The following UNC13C variants were observed in gnomAD, a reference collection of about 807,000 sequenced individuals.
UNC13C encodes unc-13 homolog C.
In UNC13C, 174 loss-of-function variants were observed where a neutral mutation model predicts 245.4. The observed-to-expected ratio is 0.71, with a 90% CI of 0.63 to 0.80. UNC13C has a LOEUF of 0.80. Among genes scored for constraint, UNC13C ranks in the 30% least tolerant of loss-of-function variants. UNC13C has a pLI of 0.00. For synonymous variants in UNC13C, 992 were observed against 895.1 expected (o/e 1.11, Z -1.93); for missense variants, 2,829 against 2,602.9 (o/e 1.09, Z -1.89).
chr15:54,617,224 A>C (rs1900499252), intron 30 of UNC13C, among the ~76,000 whole-genome samples: 1 of 152,132 alleles, frequency 6.6e-6, no homozygotes, highest in African/African-American at 2.4e-5. Context: ...TAAGATAGCT[A>C]GGTCCTATAT....
At chr15:54,017,804 A>G (rs1337156159) in intron 2 of UNC13C, among the ~76,000 whole-genome samples, 1 of 152,122 alleles carries the variant, frequency 6.6e-6, no homozygotes, top group African/African-American at 2.4e-5. Context: ...TAAGAATAAA[A>G]CCACGGATAA....
chr15:54,270,106 C>G (rs1165032607), intron 10 of UNC13C, among the ~76,000 whole-genome samples: 2 of 152,172 alleles, frequency 1.3e-5, no homozygotes, highest in Admixed American at 6.5e-5. Context: ...TTCTATATCA[C>G]TGGCTCCAGA....
chr15:54,450,681 T>G (rs933255170), intron 19 of UNC13C, among the ~76,000 whole-genome samples: 1 of 152,208 alleles, frequency 6.6e-6, no homozygotes, highest in Non-Finnish European at 1.5e-5. Context: ...CAGCTTTGCT[T>G]GGCTAGTAAA....
chr15:54,074,282 C>A (rs1233988381), intron 2 of UNC13C, among the ~76,000 whole-genome samples: 1 of 152,096 alleles, frequency 6.6e-6, no homozygotes, highest in Non-Finnish European at 1.5e-5. Context: ...TTACTGTAGC[C>A]TTGTAGTATA....
rs374236768 is a variant in UNC13C at position 54,015,296 on chromosome 15, G to T, written c.2393G>T (p.Gly798Val). The change falls in exon 2 of 33, where the codon GGA becomes GTA. Residue 798 changes from glycine to valine, a missense_variant. Coordinates refer to ENST00000260323, the MANE Select transcript of UNC13C (RefSeq NM_001080534.3). ...AAGACTTTCAGCTTCCCAAAATTTG[G>T]ATCTACACTGCAGAGGGCTAAATCA... The part of the protein sequence containing the change: ...SDKTFSFPKF[G>V]STLQRAKSAL... The T allele has an allele frequency of 6.2e-7, 1 of 1,611,816 alleles. No individual in the cohort carries two copies. The highest frequency in any genetic ancestry group is 8.5e-7 in the Non-Finnish European group (1 of 1,179,226).
At chr15:54,542,028 C>G (rs924386121) in intron 26 of UNC13C, among the ~76,000 whole-genome samples, 2 of 151,940 alleles carry the variant, frequency 1.3e-5, no homozygotes, top group African/African-American at 2.4e-5. Flanking sequence ...AATGGTCTGC[C>G]TTCTGCTGCT....
At chr15:54,221,669 AT>A (rs138509303) in intron 4 of UNC13C, among the ~76,000 whole-genome samples, 6,995 of 152,014 alleles carry the variant, frequency 0.046, 304 homozygotes, top group East Asian at 0.23. Flanking sequence ...GCTAAAAAAA[AT>A]AAGATTAATC....
At chr15:54,137,769 A>G (rs902058266) in intron 2 of UNC13C, among the ~76,000 whole-genome samples, 1 of 150,580 alleles carries the variant, frequency 6.6e-6, no homozygotes, top group Non-Finnish European at 1.5e-5. Context: ...TTTCAAAAAA[A>G]CCCTCTTAGT....
chr15:53,938,339 T>C, the UNC13C span, among the ~76,000 whole-genome samples: 1 of 152,168 alleles, frequency 6.6e-6, no homozygotes, highest in East Asian at 1.9e-4. Flanking sequence ...CCTAAGTATA[T>C]ATGCACCCAA....
At chr15:54,236,473 G>A (rs1246399204) in intron 6 of UNC13C, 38 bp downstream of exon 6, 1 of 1,568,634 alleles carries the variant, frequency 6.4e-7, no homozygotes, top group South Asian at 1.1e-5. Flanking sequence ...ATATTTTGCA[G>A]TCTTCTCAAA....
At chr15:54,423,841 A>T (rs1005920850) in intron 19 of UNC13C, among the ~76,000 whole-genome samples, 1 of 151,952 alleles carries the variant, frequency 6.6e-6, no homozygotes, top group Admixed American at 6.6e-5. Context: ...TCAGCCATGT[A>T]CCATCTGGGA....
Position 54,527,112 on chromosome 15 carries a change from G to GC in UNC13C, c.5546+1475_5546+1476insC, listed in dbSNP as rs1566889140. Among the ~76,000 whole-genome samples, 1,127 of 152,148 alleles carry GC rather than the reference G, an allele frequency of 7.4e-3. 16 individuals are homozygous for GC. The highest frequency in any genetic ancestry group is 0.026 in the African/African-American group (1,075 of 41,480). On this transcript the variant is annotated intron_variant, in intron 25 of 32. Coordinates refer to ENST00000260323, the MANE Select transcript of UNC13C (RefSeq NM_001080534.3). ...GTAGTCATTCTGCCTCTGCAGTGTTGTTAGCTGATTGGATGATCCTGCCTA... is the reference window on the plus strand; with the variant it reads ...GTAGTCATTCTGCCTCTGCAGTGTTGCTTAGCTGATTGGATGATCCTGCCTA...
intron 4 of UNC13C, among the ~76,000 whole-genome samples, chr15:54,191,939 C>G (rs774947964): frequency 2.6e-5 from 4 of 151,944 alleles, no homozygotes; most frequent in Non-Finnish European, 5.9e-5. Context: ...CTTGTAGATT[C>G]TAGATATTAG....
At chr15:54,263,766 C>T (rs1311695225) in intron 8 of UNC13C, among the ~76,000 whole-genome samples, 1 of 152,044 alleles carries the variant, frequency 6.6e-6, no homozygotes, top group Non-Finnish European at 1.5e-5. Flanking sequence ...GTGACATTTG[C>T]CACTTATATT....
At chr15:54,155,671 G>T (rs144025712) in intron 4 of UNC13C, among the ~76,000 whole-genome samples, 188 of 152,228 alleles carry the variant, frequency 1.2e-3, no homozygotes, top group African/African-American at 4.5e-3. Flanking sequence ...TAATTATTCT[G>T]TTACAATATG....
intron 19 of UNC13C, among the ~76,000 whole-genome samples, chr15:54,431,823 A>G (rs2040879188): frequency 6.6e-6 from 1 of 151,682 alleles, no homozygotes; most frequent in Admixed American, 6.6e-5. Flanking sequence ...TCTACTGCAC[A>G]GATTCTTTCT....
intron 30 of UNC13C, among the ~76,000 whole-genome samples, chr15:54,614,515 C>T (rs2141295452): frequency 6.6e-6 from 1 of 152,128 alleles, no homozygotes; most frequent in South Asian, 2.1e-4. Flanking sequence ...CTCACTACAA[C>T]CCAACAGCTC....
chr15:54,131,822 C>G (rs557046046), intron 2 of UNC13C, among the ~76,000 whole-genome samples: 3 of 152,182 alleles, frequency 2.0e-5, no homozygotes, highest in African/African-American at 4.8e-5. Context: ...TGTCGCACTC[C>G]CATGTCTCAG....
chr15:54,249,184 T>C (rs2036074958), intron 7 of UNC13C, among the ~76,000 whole-genome samples: 1 of 152,038 alleles, frequency 6.6e-6, no homozygotes, highest in Non-Finnish European at 1.5e-5. Context: ...AAAGGACTCA[T>C]TTAACCAATT....
Sources: gnomAD v4.1 joint callset for allele counts (sites outside exome capture counted in the v4.1 genomes callset) on GRCh38, gnomAD v4.1.1 for gene constraint, MANE v1.5 for transcripts, NCBI Gene and HGNC (gene_info 2026-07-23, HGNC 2026-07-21) for gene names.